Variants in SLC35A3 observed in about 807,000 individuals in gnomAD.
The protein encoded by SLC35A3 is UDP-N-acetylglucosamine transporter.
Under a neutral mutation model 39.0 loss-of-function variants are expected in SLC35A3, and 26 were observed. The observed-to-expected ratio is 0.67, with a 90% CI of 0.49 to 0.92. The LOEUF (loss-of-function observed/expected upper bound fraction) is 0.92. Among genes scored for constraint, SLC35A3 ranks in the 40% least tolerant of loss-of-function variants. The probability of loss-of-function intolerance (pLI) is 0.00; values close to 1 mark genes in which losing one functional copy is unlikely to be tolerated. For synonymous variants in SLC35A3, 135 were observed against 133.1 expected, an observed-to-expected ratio of 1.01 and a Z score of -0.10; for missense variants, 299 against 371.6, an observed-to-expected ratio of 0.80 and a Z score of 1.61.
chr1:100,014,713 A>T (rs1162519304), intron 5 of SLC35A3, among the ~76,000 whole-genome samples: 2 of 152,170 alleles, frequency 1.3e-5, no homozygotes, highest in Non-Finnish European at 2.9e-5. Context: ...TGTGCATTGT[A>T]TTATTTTAGT....
rs1345445663 is a variant in SLC35A3, at chr1:100,027,989, A to T, written c.*5513A>T. On this transcript the variant is annotated 3_prime_UTR_variant, in exon 8 of 8. Transcript: ENST00000533028. ...TTTTGAGATGGTGTCTCGCTCTGTC[A>T]CCTAGGCTGCAGTGGTGTGACCTCA... is the stretch of plus-strand genomic sequence containing the variant. The T allele has an allele frequency of 2.5e-5, 3 of 118,230 alleles. No individual in the cohort carries two copies. Among genetic ancestry groups the T allele is most frequent in the African/African-American group, 3.4e-5 (1 of 29,308 alleles). 7.3% of individuals were successfully genotyped at this position (118,230 alleles called of 1,614,324 possible).
At chr1:99,994,356 T>A (rs12096375) in intron 2 of SLC35A3, among the ~76,000 whole-genome samples, 30 of 131,574 alleles carry the variant, frequency 2.3e-4, no homozygotes, top group African/African-American at 4.8e-4. Flanking sequence ...TAAAATTTTT[T>A]ATCTAAATTT....
At chr1:99,982,124 C>T (rs971542298) in intron 1 of SLC35A3, among the ~76,000 whole-genome samples, 6 of 151,542 alleles carry the variant, frequency 4.0e-5, no homozygotes, top group Admixed American at 6.6e-5. Context: ...CGTGCCTCAG[C>T]CTCCTGAGTA....
intron 1 of SLC35A3, among the ~76,000 whole-genome samples, chr1:99,990,566 G>A (rs576118584): frequency 7.2e-5 from 11 of 152,210 alleles, no homozygotes; most frequent in South Asian, 2.1e-4. Flanking sequence ...GCGAGACTCC[G>A]TCTCAAAAAA....
chr1:99,971,617 T>C (rs111409197), intron 1 of SLC35A3, among the ~76,000 whole-genome samples: 1,736 of 152,250 alleles, frequency 0.011, 39 homozygotes, highest in African/African-American at 0.041. Flanking sequence ...CCCAATATGA[T>C]TCTTTCTTTT....
intron 4 of SLC35A3, chr1:100,007,462 G>T: frequency 5.4e-6 from 1 of 185,624 alleles, no homozygotes. Flanking sequence ...GAGATTATTA[G>T]CCACTCCCTT....
chr1:100,005,493 G>A (rs1309440924), intron 3 of SLC35A3, among the ~76,000 whole-genome samples: 1 of 152,074 alleles, frequency 6.6e-6, no homozygotes. Flanking sequence ...AATGTACTTT[G>A]GTGAAGATCG....
intron 3 of SLC35A3, among the ~76,000 whole-genome samples, chr1:100,001,077 T>C (rs1470042353): frequency 1.3e-5 from 2 of 152,194 alleles, no homozygotes; most frequent in African/African-American, 2.4e-5. Flanking sequence ...GTGCCTGTTA[T>C]TAAACAAATT....
chr1:100,005,079 T>C (rs2101279037), intron 3 of SLC35A3, among the ~76,000 whole-genome samples: 1 of 152,342 alleles, frequency 6.6e-6, no homozygotes, highest in African/African-American at 2.4e-5. Context: ...TTAACAATAG[T>C]TTCACTGCGT....
chr1:100,002,614 T>TTTGTTG (rs1316372251), intron 3 of SLC35A3, among the ~76,000 whole-genome samples: 3 of 152,112 alleles, frequency 2.0e-5, no homozygotes, highest in African/African-American at 4.8e-5. Flanking sequence ...GCCCTGATCT[T>TTTGTTG]TTGTTGTTGT....
In SLC35A3 at chr1:100,026,286, G is replaced by A. The variant is rs1660907413; in HGVS notation, c.*3810G>A. The A allele has an allele frequency of 6.6e-6, 1 of 151,858 alleles. No individual in the cohort carries two copies. Among genetic ancestry groups the A allele is most frequent in the Admixed American group, 6.6e-5 (1 of 15,226 alleles). The allele number at this position is 151,858 out of a possible 1,614,324, so 9.4% of individuals were successfully genotyped here. The stretch of plus-strand genomic sequence containing the variant: ...CACATTATAATATTTAATTATCATG[G>A]GTGTATGCTTTACATAAAAAAGGTT... On this transcript the variant is annotated 3_prime_UTR_variant, in exon 8 of 8. Coordinates refer to ENST00000533028, the MANE Select transcript of SLC35A3 (RefSeq NM_012243.3).
intron 2 of SLC35A3, among the ~76,000 whole-genome samples, chr1:99,997,154 C>G (rs1375760281): frequency 6.6e-6 from 1 of 151,620 alleles, no homozygotes; most frequent in African/African-American, 2.4e-5. Flanking sequence ...TTGGCTCTAA[C>G]GTGGAGGAAA....
In SLC35A3 at chr1:100,028,169, C is replaced by T. The variant is rs184461408; in HGVS notation, c.*5693C>T. 8.6e-3 allele frequency: 1,303 copies of T among 152,264 alleles called. 14 individuals are homozygous for T. Among genetic ancestry groups the T allele is most frequent in the Non-Finnish European group, 0.014 (950 of 68,162 alleles). The allele number at this position is 152,264 out of a possible 1,614,324, so 9.4% of individuals were successfully genotyped here. ...GGCCAGGCTGGTCTCAAACTCCTGA[C>T]CTCAGGTGATCCGCCTGCCTCGGCC... is the stretch of plus-strand genomic sequence containing the variant. On this transcript the variant is annotated 3_prime_UTR_variant, in exon 8 of 8. Transcript: ENST00000533028.
rs995144337 is a variant in SLC35A3 at position 100,028,575 on chromosome 1, GC to G, written c.*6101del. The G allele has an allele frequency of 6.6e-6, 1 of 152,300 alleles. No individual in the cohort carries two copies. The highest frequency in any genetic ancestry group is 2.4e-5 in the African/African-American group (1 of 41,424). 9.4% of individuals were successfully genotyped at this position (152,300 alleles called of 1,614,324 possible). On this transcript the variant is annotated 3_prime_UTR_variant, in exon 8 of 8. Coordinates refer to ENST00000533028, the MANE Select transcript of SLC35A3 (RefSeq NM_012243.3). ...ACTCCTGAGCTTCAGTGATCTGCCT[GC>G]CTTGGCCTCCCAAAGTGTTGGGATT...
In SLC35A3 at chr1:100,023,897, C is replaced by A. The variant is rs1320379763; in HGVS notation, c.*1421C>A. The A allele has an allele frequency of 6.6e-6, 1 of 152,256 alleles. No homozygotes were observed. The highest frequency in any genetic ancestry group is 1.5e-5 in the Non-Finnish European group (1 of 68,274). The allele number at this position is 152,256 out of a possible 1,614,324, so 9.4% of individuals were successfully genotyped here. On this transcript the variant is annotated 3_prime_UTR_variant, in exon 8 of 8. Coordinates refer to ENST00000533028, the MANE Select transcript of SLC35A3 (RefSeq NM_012243.3). ...TGGCACGCACCTGTAGTCCCAGCTA[C>A]TCGGGAGACTGAGGCAGGAGAATCA...
chr1:100,009,732 A>G (rs1227500952), intron 4 of SLC35A3, among the ~76,000 whole-genome samples: 1 of 152,246 alleles, frequency 6.6e-6, no homozygotes, highest in Non-Finnish European at 1.5e-5. Context: ...GTGTTAGACC[A>G]ATAAATATCA....
chr1:100,020,819 G>C (rs939704426), intron 7 of SLC35A3, among the ~76,000 whole-genome samples: 9 of 152,196 alleles, frequency 5.9e-5, no homozygotes, highest in Non-Finnish European at 1.0e-4. Flanking sequence ...CAAGGAAACT[G>C]TGGACAGAGG....
chr1:99,991,422 G>C (rs1483592797), intron 1 of SLC35A3, among the ~76,000 whole-genome samples: 1 of 152,194 alleles, frequency 6.6e-6, no homozygotes, highest in Non-Finnish European at 1.5e-5. Flanking sequence ...GGGATTACAG[G>C]CGTGAGCCAC....
chr1:99,998,686 CAGAG>C (rs1658562063), intron 2 of SLC35A3, among the ~76,000 whole-genome samples: 1 of 152,154 alleles, frequency 6.6e-6, no homozygotes, highest in Non-Finnish European at 1.5e-5. Flanking sequence ...GGTATGCTTA[CAGAG>C]AGAGAGCGCC....
Sources: allele counts gnomAD v4.1 joint callset (sites outside exome capture counted in the v4.1 genomes callset), GRCh38; gene constraint gnomAD v4.1.1; transcripts MANE v1.5; gene names NCBI Gene and HGNC (gene_info 2026-07-23, HGNC 2026-07-21).